Variants in LGSN observed in about 807,000 individuals in gnomAD.
LGSN encodes lengsin, lens protein with glutamine synthetase domain.
A neutral mutation model predicts 19.5 loss-of-function variants in LGSN; 21 were observed. That is an observed-to-expected ratio of 1.07 (90% confidence interval 0.76 to 1.55). The LOEUF (loss-of-function observed/expected upper bound fraction) is 1.55. LGSN is among the 40% of genes most tolerant of loss of function. LGSN has a pLI of 0.00. For missense variants in LGSN, 673 were observed against 608.5 expected, an observed-to-expected ratio of 1.11 and a Z score of -1.12; for synonymous variants, 257 against 215.6, an observed-to-expected ratio of 1.19 and a Z score of -1.68.
chr6:63,407,379 G>T, the LGSN span, among the ~76,000 whole-genome samples: 2 of 151,952 alleles, frequency 1.3e-5, no homozygotes, highest in Non-Finnish European at 2.9e-5. Context: ...TTCAATATAC[G>T]CAAATCAATA....
chr6:63,561,834 A>G, the LGSN span, among the ~76,000 whole-genome samples: 1 of 152,240 alleles, frequency 6.6e-6, no homozygotes, highest in African/African-American at 2.4e-5. Context: ...ACATGGAATC[A>G]GAACGAAAGT....
At chr6:63,286,391 T>C (rs1767537205) in intron 2 of LGSN, among the ~76,000 whole-genome samples, 1 of 152,216 alleles carries the variant, frequency 6.6e-6, no homozygotes, top group Non-Finnish European at 1.5e-5. Context: ...CTGGACTGCA[T>C]ACTCAATTTA....
the LGSN span, among the ~76,000 whole-genome samples, chr6:63,462,331 C>A: frequency 6.6e-6 from 1 of 152,138 alleles, no homozygotes; most frequent in East Asian, 1.9e-4. Flanking sequence ...ATGACTAGTA[C>A]TCACTGTTTA....
the LGSN span, among the ~76,000 whole-genome samples, chr6:63,363,640 A>T: frequency 2.6e-5 from 4 of 152,210 alleles, no homozygotes; most frequent in Non-Finnish European, 5.9e-5. Context: ...CAAGAAGAGA[A>T]TTTTAGAGAA....
chr6:63,280,290 C>A lies in LGSN; in HGVS notation c.1261G>T (p.Ala421Ser), dbSNP rs765999519. 11 of 1,614,082 alleles carry A rather than the reference C, an allele frequency of 6.8e-6. No homozygotes were observed. In the South Asian group the frequency reaches 7.7e-5, roughly 11 times the overall value. ...SATANPYLVL[A>S]ATVAAGLDGL... is the part of the protein sequence containing the mutation. ...TCTAAGCCGGCAGCAACAGTTGCAG[C>A]CAGCACCAAGTAAGGGTTTGCTGTT... The change falls in exon 4 of 4, where the codon GCT becomes TCT. Residue 421 changes from alanine (A) to serine (S), a missense_variant. Physicochemically the swap from Ala to Ser is moderately conservative, Grantham distance 99 (BLOSUM62 1). Transcript: ENST00000370657.
chr6:63,384,998 G>A, the LGSN span, among the ~76,000 whole-genome samples: 1 of 152,174 alleles, frequency 6.6e-6, no homozygotes, highest in Non-Finnish European at 1.5e-5. Flanking sequence ...AAGCCAAGGA[G>A]GATGACCTCA....
At chr6:63,536,086 C>T in the LGSN span, among the ~76,000 whole-genome samples, 50 of 148,706 alleles carry the variant, frequency 3.4e-4, no homozygotes, top group Middle Eastern at 6.8e-3. Flanking sequence ...AATCCCAGCA[C>T]TTTGGGAGGC....
At chr6:63,358,168 C>T in the LGSN span, among the ~76,000 whole-genome samples, 1 of 152,148 alleles carries the variant, frequency 6.6e-6, no homozygotes, top group Non-Finnish European at 1.5e-5. Flanking sequence ...TTTCTGAGGG[C>T]TCTGTTCTGT....
chr6:63,284,553 T>C (rs1399697607), intron 3 of LGSN, among the ~76,000 whole-genome samples: 3 of 152,162 alleles, frequency 2.0e-5, no homozygotes, highest in Admixed American at 6.5e-5. Context: ...TGATTAAAAT[T>C]TGACAAAAAC....
chr6:63,541,722 C>T, the LGSN span, among the ~76,000 whole-genome samples: 3 of 152,134 alleles, frequency 2.0e-5, no homozygotes, highest in African/African-American at 4.8e-5. Context: ...CTCCATCCAA[C>T]TCCATTAAAA....
At chr6:63,519,861 C>A in the LGSN span, among the ~76,000 whole-genome samples, 1 of 152,160 alleles carries the variant, frequency 6.6e-6, no homozygotes, top group African/African-American at 2.4e-5. Context: ...TCAATAAAAA[C>A]CATTCTGTTC....
the LGSN span, among the ~76,000 whole-genome samples, chr6:63,411,319 G>A: frequency 1.3e-5 from 2 of 152,292 alleles, no homozygotes; most frequent in South Asian, 2.1e-4. Context: ...AAGTAAAGGG[G>A]ATAGCAGGTA....
chr6:63,446,733 A>G, the LGSN span, among the ~76,000 whole-genome samples: 2 of 152,206 alleles, frequency 1.3e-5, no homozygotes, highest in Non-Finnish European at 2.9e-5. Context: ...TACTTGACCC[A>G]AGAAAAATAC....
chr6:63,342,675 G>A, the LGSN span, among the ~76,000 whole-genome samples: 1 of 152,318 alleles, frequency 6.6e-6, no homozygotes, highest in South Asian at 2.1e-4. Context: ...GCACTGAAGT[G>A]TATTCTATAT....
chr6:63,319,622 T>G (rs1430978379), intron 1 of LGSN, among the ~76,000 whole-genome samples: 2 of 129,948 alleles, frequency 1.5e-5, no homozygotes, highest in Admixed American at 7.3e-5. Flanking sequence ...AGAAATAAAT[T>G]TTTTTATAGC....
chr6:63,440,499 C>T, the LGSN span, among the ~76,000 whole-genome samples: 1 of 152,182 alleles, frequency 6.6e-6, no homozygotes, highest in African/African-American at 2.4e-5. Flanking sequence ...ATTGAGAACC[C>T]GGTTTTTCTA....
the LGSN span, among the ~76,000 whole-genome samples, chr6:63,541,016 GGGAATGAAGAAA>G: frequency 7.7e-5 from 10 of 129,228 alleles, no homozygotes; most frequent in South Asian, 2.6e-4. Flanking sequence ...AAAGGAAGGA[GGGAATGAAGAAA>G]GGAAGGAAGG....
the LGSN span, among the ~76,000 whole-genome samples, chr6:63,540,259 A>G: frequency 7.9e-6 from 1 of 126,968 alleles, no homozygotes; most frequent in East Asian, 2.7e-4. Flanking sequence ...AGGAGCCCAG[A>G]TGTATATAGA....
the LGSN span, among the ~76,000 whole-genome samples, chr6:63,413,834 C>T: frequency 0.12 from 17,560 of 152,004 alleles, 2,023 homozygotes; most frequent in African/African-American, 0.3. Context: ...AATAGAGTTC[C>T]GATTATCCTT....
Sources: gnomAD v4.1 joint callset for allele counts (sites outside exome capture counted in the v4.1 genomes callset) on GRCh38, gnomAD v4.1.1 for gene constraint, MANE v1.5 for transcripts, NCBI Gene and HGNC (gene_info 2026-07-23, HGNC 2026-07-21) for gene names.